SPHKAP: variants seen among roughly 807,000 people sequenced by gnomAD.
SPHKAP encodes A-kinase anchor protein SPHKAP.
SPHKAP carries 67 observed loss-of-function variants against 137.5 expected under a neutral mutation model. The ratio of observed to expected loss-of-function variants is 0.49; its 90% CI spans 0.40 to 0.60. The LOEUF is 0.60. Among genes scored for constraint, SPHKAP ranks in the 20% least tolerant of loss-of-function variants. The pLI is 0.00. For synonymous variants in SPHKAP, 813 were observed against 785.3 expected (o/e 1.04, Z -0.59); for missense variants, 2,097 against 2,069.3 (o/e 1.01, Z -0.26).
At chr2:228,144,435 A>G (rs1402326462) in intron 1 of SPHKAP, among the ~76,000 whole-genome samples, 1 of 151,406 alleles carries the variant, frequency 6.6e-6, no homozygotes, top group East Asian at 1.9e-4. Context: ...TGTTGAATCA[A>G]TGAGTTCATT....
At chr2:228,027,332 A>T in intron 4 of SPHKAP, 152 bp downstream of exon 4, 1 of 748,852 alleles carries the variant, frequency 1.3e-6, no homozygotes, top group Non-Finnish European at 2.2e-6. Flanking sequence ...CAAACGGTAG[A>T]GGGTAAGTGC....
Position 228,019,030 on chromosome 2 carries a change from C to T in SPHKAP, c.1824G>A (p.Met608Ile), listed in dbSNP as rs1694729094. ...TGGCAATGGCTTCCTTGCCAAGCTC[C>T]ATGCTTGCTAAACCACAAAGTGGGG... The part of the protein sequence containing the change: ...AMPPLCGLAS[M>I]ELGKEAIAKG... The change falls in exon 7 of 12, where the codon ATG becomes ATA. Residue 608 changes from methionine (M) to isoleucine (I), a missense_variant. By Grantham distance (10) the Met-to-Ile change is conservative (BLOSUM62 1). Transcript: ENST00000392056. 6.2e-7 allele frequency: 1 copy of T among 1,614,042 alleles called. No homozygotes were observed. The highest frequency in any genetic ancestry group is 1.1e-5 in the South Asian group (1 of 91,088).
intron 1 of SPHKAP, among the ~76,000 whole-genome samples, chr2:228,154,063 A>T (rs1444341892): frequency 2.0e-5 from 3 of 152,190 alleles, no homozygotes; most frequent in Non-Finnish European, 2.9e-5. Context: ...CAACTTAAAA[A>T]TGATCAGATT....
chr2:228,167,471 A>T (rs938019224), intron 1 of SPHKAP, among the ~76,000 whole-genome samples: 2 of 152,298 alleles, frequency 1.3e-5, no homozygotes, highest in East Asian at 1.9e-4. Context: ...AAAAATATTC[A>T]GGATATATTA....
At chr2:228,124,481 G>A (rs554162490) in intron 2 of SPHKAP, among the ~76,000 whole-genome samples, 10 of 149,744 alleles carry the variant, frequency 6.7e-5, no homozygotes, top group African/African-American at 2.5e-4. Context: ...ACTATCTCAA[G>A]GACAAAAAAC....
rs563521627 is a variant in SPHKAP, at chr2:228,046,863, G to A, written c.247-19320C>T. On this transcript the variant is annotated intron_variant, in intron 3 of 11. Transcript: ENST00000392056. The stretch of plus-strand genomic sequence containing the variant: ...GGCAAGAAGAGACAACACTATCTGG[G>A]CAAGGGCAGCTGAGCATTGAAGTTT... Among the ~76,000 whole-genome samples the A allele has an allele frequency of 6.6e-5, 10 of 152,228 alleles. No homozygotes were observed. The South Asian group carries it at 1.7e-3, about 25-fold the overall frequency.
chr2:228,174,804 GA>G (rs970544852), intron 1 of SPHKAP, among the ~76,000 whole-genome samples: 1 of 152,124 alleles, frequency 6.6e-6, no homozygotes, highest in African/African-American at 2.4e-5. Context: ...GGTTCTGATG[GA>G]AAAGGCAGAT....
intron 3 of SPHKAP, among the ~76,000 whole-genome samples, chr2:228,069,445 C>CTTT (rs1250162411): frequency 7.2e-4 from 59 of 81,528 alleles, no homozygotes; most frequent in African/African-American, 2.6e-3. Flanking sequence ...TTCTTTCTTT[C>CTTT]TTTCTTTTTT....
chr2:228,169,356 T>G (rs1700513146), intron 1 of SPHKAP, among the ~76,000 whole-genome samples: 1 of 152,162 alleles, frequency 6.6e-6, no homozygotes, highest in South Asian at 2.1e-4. Context: ...ACAAGCTGAC[T>G]CACTTTTTAA....
At chr2:228,060,761 T>C (rs1462700545) in intron 3 of SPHKAP, among the ~76,000 whole-genome samples, 2 of 151,870 alleles carry the variant, frequency 1.3e-5, no homozygotes, top group African/African-American at 4.8e-5. Flanking sequence ...GAGAGCCTGA[T>C]GAGGGGCTGA....
intron 1 of SPHKAP, among the ~76,000 whole-genome samples, chr2:228,174,215 C>T (rs1221234900): frequency 6.6e-6 from 1 of 152,016 alleles, no homozygotes; most frequent in East Asian, 1.9e-4. Flanking sequence ...AATTCAGAGA[C>T]CGTATTTTGA....
rs138755558 is a variant in SPHKAP at position 228,042,621 on chromosome 2, G to A, written c.247-15078C>T. 2.1e-4 allele frequency among the ~76,000 whole-genome samples: 32 copies of A among 152,140 alleles called. 1 individual carries two copies. The East Asian group carries it at 6.2e-3, about 29-fold the overall frequency. On this transcript the variant is annotated intron_variant, in intron 3 of 11. Coordinates refer to ENST00000392056, the MANE Select transcript of SPHKAP (RefSeq NM_001142644.2). ...AATAATATGTAGTTTTTTGGTGACT[G>A]AGATAGAATATTTATAAAGAACCGT...
At chr2:228,050,141 T>C (rs1455478265) in intron 3 of SPHKAP, among the ~76,000 whole-genome samples, 1 of 152,126 alleles carries the variant, frequency 6.6e-6, no homozygotes, top group African/African-American at 2.4e-5. Flanking sequence ...CACAATGAGA[T>C]ACCATCTCAC....
chr2:228,167,702 A>G (rs1270668796), intron 1 of SPHKAP, among the ~76,000 whole-genome samples: 2 of 152,188 alleles, frequency 1.3e-5, no homozygotes, highest in Non-Finnish European at 2.9e-5. Context: ...AGTCTACCAA[A>G]AGTAATTTAC....
intron 3 of SPHKAP, among the ~76,000 whole-genome samples, chr2:228,101,534 A>G (rs1034217837): frequency 3.9e-5 from 6 of 152,218 alleles, no homozygotes; most frequent in Non-Finnish European, 1.5e-5. Context: ...GCTGTTAAGT[A>G]TATTGAATAC....
At position 228,044,279 on chromosome 2, in the gene SPHKAP, T is replaced by C. The variant is rs79546260; in HGVS notation, c.247-16736A>G. On this transcript the variant is annotated intron_variant, in intron 3 of 11. Coordinates refer to ENST00000392056, the MANE Select transcript of SPHKAP (RefSeq NM_001142644.2). ...AAGGCACAACTTGAGTGACTCTACATAGGGAAGTAGAAAAATATTTAGAGG... is the reference window on the plus strand; with the variant it reads ...AAGGCACAACTTGAGTGACTCTACACAGGGAAGTAGAAAAATATTTAGAGG... 2.0e-5 allele frequency among the ~76,000 whole-genome samples: 3 copies of C among 152,194 alleles called. No homozygotes were observed. In the East Asian group the frequency reaches 5.8e-4, roughly 29 times the overall value.
chr2:228,106,987 C>T (rs776208142), intron 3 of SPHKAP, among the ~76,000 whole-genome samples: 27 of 152,138 alleles, frequency 1.8e-4, no homozygotes, highest in Non-Finnish European at 2.6e-4. Context: ...TTGTGTACAA[C>T]AAGCTATTTT....
chr2:228,166,050 GTT>G (rs1191905055), intron 1 of SPHKAP, among the ~76,000 whole-genome samples: 1 of 152,210 alleles, frequency 6.6e-6, no homozygotes, highest in Admixed American at 6.5e-5. Flanking sequence ...AGTGAGAACA[GTT>G]AATGTCAGAA....
At chr2:228,133,903 A>G (rs928932014) in intron 1 of SPHKAP, among the ~76,000 whole-genome samples, 1 of 152,208 alleles carries the variant, frequency 6.6e-6, no homozygotes. Context: ...TAATTAAAAT[A>G]AAATCTGTTT....
Sources: gnomAD v4.1 joint callset for allele counts (sites outside exome capture counted in the v4.1 genomes callset) on GRCh38, gnomAD v4.1.1 for gene constraint, MANE v1.5 for transcripts, NCBI Gene and HGNC (gene_info 2026-07-23, HGNC 2026-07-21) for gene names.